IFI27L1: variants seen among roughly 807,000 people sequenced by gnomAD.
The protein encoded by IFI27L1 is interferon alpha-inducible protein 27-like protein 1.
A neutral mutation model predicts 9.2 loss-of-function variants in IFI27L1; 3 were observed. That is an observed-to-expected ratio of 0.32 (90% CI 0.15 to 0.84). The LOEUF is 0.84. Among genes scored for constraint, IFI27L1 ranks in the 40% least tolerant of loss-of-function variants. The pLI is 0.56. For synonymous variants in IFI27L1, 53 were observed against 50.0 expected, an observed-to-expected ratio of 1.06 and a Z score of -0.26; for missense variants, 133 against 134.2, an observed-to-expected ratio of 0.99 and a Z score of 0.05.
intron 1 of IFI27L1, among the ~76,000 whole-genome samples, chr14:94,082,846 A>T (rs1294451944): frequency 6.6e-6 from 1 of 152,234 alleles, no homozygotes; most frequent in Non-Finnish European, 1.5e-5. Context: ...ATGTATAAGG[A>T]GATGAATGTT....
intron 4 of IFI27L1, 124 bp downstream of exon 4, chr14:94,102,099 T>C: frequency 1.0e-6 from 1 of 1,002,528 alleles, no homozygotes; most frequent in Admixed American, 2.0e-5. Context: ...TGTCTTTCTG[T>C]CACTGTCCCC....
chr14:94,094,586 G>A (rs968361671), intron 1 of IFI27L1, among the ~76,000 whole-genome samples: 1 of 152,182 alleles, frequency 6.6e-6, no homozygotes, highest in South Asian at 2.1e-4. Context: ...GATGGTGACG[G>A]AAGTGACCTC....
chr14:94,093,453 G>A (rs1182024214), intron 1 of IFI27L1, among the ~76,000 whole-genome samples: 1 of 152,104 alleles, frequency 6.6e-6, no homozygotes, highest in Non-Finnish European at 1.5e-5. Context: ...TTACAGGCTT[G>A]AGCCACAACG....
intron 2 of IFI27L1, chr14:94,100,359 TC>T: frequency 1.0e-6 from 1 of 985,382 alleles, no homozygotes; most frequent in Non-Finnish European, 1.2e-6. Flanking sequence ...AGAACTTTGG[TC>T]CCAGCTGCCT....
At position 94,102,570 on chromosome 14, in the gene IFI27L1, C is replaced by T. The variant is rs780592452; in HGVS notation, c.*2C>T. On this transcript the variant is annotated 3_prime_UTR_variant, in exon 5 of 5. Coordinates refer to ENST00000555523, the MANE Select transcript of IFI27L1 (RefSeq NM_206949.3). The stretch of plus-strand genomic sequence containing the variant: ...CTGGGTTCACCCCCTTCCAGCTGAA[C>T]ACCACACTGAGGCAGGGAGTTGGCT... 4 of 1,531,372 alleles carry T rather than the reference C, an allele frequency of 2.6e-6. No homozygotes were observed. The African/African-American group carries it at 4.2e-5, about 16-fold the overall frequency. The allele number at this position is 1,531,372 out of a possible 1,614,324, so 94.9% of individuals were successfully genotyped here. A position where few individuals can be genotyped will look rare whatever the true frequency, so the allele number is the denominator to read the frequency against.
Position 94,102,472 on chromosome 14 carries a change from C to G in IFI27L1, c.224-5C>G, listed in dbSNP as rs367560695. 1.9e-6 allele frequency: 3 copies of G among 1,570,352 alleles called. No individual in the cohort carries two copies. The highest frequency in any genetic ancestry group is 4.6e-5 in the East Asian group (2 of 43,538). On this transcript the variant is annotated splice_region_variant and splice_polypyrimidine_tract_variant and intron_variant, in intron 4 of 4. Transcript: ENST00000555523. ...GCCCTGTGCTCACCCTCTCTTCTCC[C>G]CCAGGGGCAGCTGGACTCTCTGTGA... is the stretch of plus-strand genomic sequence containing the variant.
intron 2 of IFI27L1, among the ~76,000 whole-genome samples, chr14:94,098,084 G>T (rs935077839): frequency 1.3e-5 from 2 of 152,194 alleles, no homozygotes; most frequent in Admixed American, 1.3e-4. Context: ...AGTATGGCAG[G>T]GGGAAATGTG....
intron 1 of IFI27L1, among the ~76,000 whole-genome samples, chr14:94,096,458 G>A (rs533479211): frequency 2.2e-4 from 33 of 152,340 alleles, no homozygotes; most frequent in Admixed American, 1.9e-3. Context: ...CACTTTGGGA[G>A]GCCAGGGTGG....
chr14:94,093,608 A>C (rs1886563488), intron 1 of IFI27L1, among the ~76,000 whole-genome samples: 1 of 152,230 alleles, frequency 6.6e-6, no homozygotes, highest in South Asian at 2.1e-4. Context: ...ATAAGCAGGA[A>C]GTCAGCATGG....
chr14:94,082,193 C>A (rs1004779405), intron 1 of IFI27L1, among the ~76,000 whole-genome samples: 2 of 152,112 alleles, frequency 1.3e-5, no homozygotes, highest in African/African-American at 2.4e-5. Flanking sequence ...AAAATAAAAC[C>A]GGCTACAGCA....
chr14:94,087,054 G>C (rs1354033636), intron 1 of IFI27L1, among the ~76,000 whole-genome samples: 1 of 152,048 alleles, frequency 6.6e-6, no homozygotes, highest in African/African-American at 2.4e-5. Context: ...GAAGACAAAG[G>C]TTTTTAAAGG....
intron 2 of IFI27L1, among the ~76,000 whole-genome samples, chr14:94,099,189 C>T (rs1298555271): frequency 6.6e-6 from 1 of 152,158 alleles, no homozygotes; most frequent in African/African-American, 2.4e-5. Context: ...GCCCAGCGCA[C>T]AGGGCGGCAG....
At chr14:94,083,984 G>C (rs1448850946) in intron 1 of IFI27L1, among the ~76,000 whole-genome samples, 2 of 152,150 alleles carry the variant, frequency 1.3e-5, no homozygotes, top group Non-Finnish European at 2.9e-5. Flanking sequence ...AAAAATGGGG[G>C]AGGGGGAGAT....
At chr14:94,099,753 T>TA (rs1415651850) in intron 2 of IFI27L1, among the ~76,000 whole-genome samples, 1 of 152,128 alleles carries the variant, frequency 6.6e-6, no homozygotes, top group Non-Finnish European at 1.5e-5. Context: ...AAGCTTGTGT[T>TA]AGAGTCAGAA....
At chr14:94,092,397 G>A (rs528393892) in intron 1 of IFI27L1, among the ~76,000 whole-genome samples, 12 of 151,966 alleles carry the variant, frequency 7.9e-5, no homozygotes, top group African/African-American at 2.2e-4. Flanking sequence ...TGTAATCCCA[G>A]CTACTCAGGA....
intron 1 of IFI27L1, among the ~76,000 whole-genome samples, chr14:94,091,999 G>A (rs1337260971): frequency 6.6e-6 from 1 of 151,646 alleles, no homozygotes; most frequent in Admixed American, 6.6e-5. Flanking sequence ...GGTGGCGGGT[G>A]CCTGTAATCC....
intron 1 of IFI27L1, among the ~76,000 whole-genome samples, chr14:94,082,178 G>A (rs142686141): frequency 6.6e-6 from 1 of 152,298 alleles, no homozygotes; most frequent in East Asian, 1.9e-4. Flanking sequence ...TAGTGGTTTG[G>A]ATAGAAAATA....
chr14:94,086,826 A>G (rs1016582485), intron 1 of IFI27L1, among the ~76,000 whole-genome samples: 3 of 152,144 alleles, frequency 2.0e-5, no homozygotes, highest in Non-Finnish European at 4.4e-5. Context: ...TTCGAGGTAA[A>G]CCCATTTCTG....
chr14:94,091,195 G>C (rs902563855), intron 1 of IFI27L1, among the ~76,000 whole-genome samples: 1 of 152,178 alleles, frequency 6.6e-6, no homozygotes, highest in African/African-American at 2.4e-5. Context: ...TCCTATAGCT[G>C]ATTAAGGGTC....
Sources: allele counts gnomAD v4.1 joint callset (sites outside exome capture counted in the v4.1 genomes callset), GRCh38; gene constraint gnomAD v4.1.1; transcripts MANE v1.5; gene names NCBI Gene and HGNC (gene_info 2026-07-23, HGNC 2026-07-21).